LPCAT2: variants seen among roughly 807,000 people sequenced by gnomAD.
The protein encoded by LPCAT2 is 1-AGP acyltransferase 11.
Under a neutral mutation model 64.7 loss-of-function variants are expected in LPCAT2, and 58 were observed. That is an observed-to-expected ratio of 0.90 (90% confidence interval 0.73 to 1.12). The LOEUF is 1.12. Among genes scored for constraint, LPCAT2 ranks in the 50% most tolerant of loss-of-function variants. LPCAT2 has a pLI of 0.00. For synonymous variants in LPCAT2, 252 were observed against 245.3 expected, an observed-to-expected ratio of 1.03 and a Z score of -0.26; for missense variants, 579 against 669.8, an observed-to-expected ratio of 0.86 and a Z score of 1.50.
chr16:55,527,635 T>G (rs1482986403), intron 2 of LPCAT2, among the ~76,000 whole-genome samples: 1 of 152,184 alleles, frequency 6.6e-6, no homozygotes, highest in Non-Finnish European at 1.5e-5. Context: ...CAATTGGATC[T>G]TACTTGTCTT....
intron 11 of LPCAT2, among the ~76,000 whole-genome samples, chr16:55,558,125 G>A (rs1963597852): frequency 6.6e-6 from 1 of 152,220 alleles, no homozygotes; most frequent in South Asian, 2.1e-4. Flanking sequence ...ATGTCCAGAT[G>A]AGTGAGAGCT....
At chr16:55,521,111 A>G (rs1963089588) in intron 1 of LPCAT2, among the ~76,000 whole-genome samples, 1 of 151,824 alleles carries the variant, frequency 6.6e-6, no homozygotes, top group Non-Finnish European at 1.5e-5. Flanking sequence ...ACCAAGACTG[A>G]TAAGAAAACA....
intron 8 of LPCAT2, chr16:55,538,303 G>A (rs1186672106): frequency 1.3e-5 from 2 of 152,178 alleles, no homozygotes; most frequent in African/African-American, 4.8e-5. Context: ...GTACCCTCAG[G>A]TAGTCTCCGA....
intron 1 of LPCAT2, among the ~76,000 whole-genome samples, chr16:55,511,121 T>A (rs1300746801): frequency 6.6e-6 from 1 of 152,180 alleles, no homozygotes; most frequent in African/African-American, 2.4e-5. Flanking sequence ...GGAATATTAA[T>A]AACTCAAAGG....
At chr16:55,523,751 G>A (rs1963130853) in intron 1 of LPCAT2, among the ~76,000 whole-genome samples, 1 of 151,848 alleles carries the variant, frequency 6.6e-6, no homozygotes, top group African/African-American at 2.4e-5. Flanking sequence ...CCTATCAGTG[G>A]TTGCTTAGGT....
At position 55,537,612 on chromosome 16, in the gene LPCAT2, T is replaced by G; in HGVS notation, c.832T>G (p.Phe278Val). ...TTGTATGCTTACTTTCTGCCAGCTC[T>G]TCACAAAGGTAGAAGTTGAGGTAAG... Reference protein sequence around the residue: ...QLCMLTFCQLFTKVEVEFMPV... With the variant: ...QLCMLTFCQLVTKVEVEFMPV... Residue 278 changes from phenylalanine to valine, a missense_variant, in exon 8 of 14, where the codon TTC becomes GTC. By Grantham distance (50) the Phe-to-Val change is conservative. Coordinates refer to ENST00000262134, the MANE Select transcript of LPCAT2 (RefSeq NM_017839.5). The G allele has an allele frequency of 6.2e-7, 1 of 1,613,374 alleles. No homozygotes were observed. Among genetic ancestry groups the G allele is most frequent in the South Asian group, 1.1e-5 (1 of 91,054 alleles).
intron 2 of LPCAT2, 199 bp downstream of exon 2, chr16:55,525,846 A>G (rs1443042842): frequency 3.6e-5 from 12 of 334,912 alleles, no homozygotes; most frequent in African/African-American, 1.7e-4. Flanking sequence ...TATTTCTCAT[A>G]TGAAATACGT....
chr16:55,535,905 C>G (rs927803212), intron 7 of LPCAT2, among the ~76,000 whole-genome samples: 2 of 151,886 alleles, frequency 1.3e-5, no homozygotes, highest in Non-Finnish European at 2.9e-5. Flanking sequence ...ATATAATAGA[C>G]GGGTTTAGTT....
chr16:55,525,808 G>A (rs1010109433), intron 2 of LPCAT2, 161 bp downstream of exon 2: 7 of 407,484 alleles, frequency 1.7e-5, no homozygotes, highest in African/African-American at 2.1e-5. Flanking sequence ...AGTTTTATCT[G>A]CCTACTCAAT....
intron 7 of LPCAT2, 25 bp from the exon 8 acceptor site, chr16:55,537,553 A>G (rs1332055176): frequency 6.3e-7 from 1 of 1,593,724 alleles, no homozygotes; most frequent in Admixed American, 1.7e-5. Flanking sequence ...CTGTATAAAG[A>G]TAGACTTTTC....
intron 4 of LPCAT2, among the ~76,000 whole-genome samples, chr16:55,531,661 A>G (rs552605142): frequency 1.3e-5 from 2 of 152,332 alleles, no homozygotes; most frequent in East Asian, 1.9e-4. Flanking sequence ...CATTAGTTTT[A>G]TCATTAAGAG....
intron 11 of LPCAT2, chr16:55,566,822 C>G (rs1963703437): frequency 2.5e-6 from 4 of 1,613,660 alleles, no homozygotes; most frequent in Non-Finnish European, 3.4e-6. Context: ...TTGGAGGCCT[C>G]TTTGGAGGAG....
chr16:55,528,808 CTT>C (rs1260029330), intron 3 of LPCAT2, among the ~76,000 whole-genome samples: 2 of 151,998 alleles, frequency 1.3e-5, no homozygotes, highest in Admixed American at 6.5e-5. Flanking sequence ...CTCTTTAAAA[CTT>C]TTTATCACTA....
chr16:55,581,640 A>G (rs1175207039), intron 13 of LPCAT2, among the ~76,000 whole-genome samples: 1 of 152,212 alleles, frequency 6.6e-6, no homozygotes, highest in African/African-American at 2.4e-5. Context: ...GGATTTTTTA[A>G]AAGTAAATGT....
chr16:55,544,107 T>C (rs1454616961), intron 8 of LPCAT2, among the ~76,000 whole-genome samples: 4 of 152,180 alleles, frequency 2.6e-5, no homozygotes, highest in African/African-American at 9.6e-5. Context: ...ATACACTCCT[T>C]ACCGCTGAAG....
At chr16:55,520,446 T>C (rs1963079140) in intron 1 of LPCAT2, among the ~76,000 whole-genome samples, 1 of 152,080 alleles carries the variant, frequency 6.6e-6, no homozygotes, top group African/African-American at 2.4e-5. Flanking sequence ...CACACCTTTC[T>C]TGGTAATTGA....
intron 11 of LPCAT2, among the ~76,000 whole-genome samples, chr16:55,554,563 A>G (rs1412865865): frequency 6.6e-6 from 1 of 152,208 alleles, no homozygotes; most frequent in African/African-American, 2.4e-5. Context: ...CCTTCTATCC[A>G]GACTATTCAA....
At chr16:55,565,650 G>C (rs865942021) in intron 11 of LPCAT2, among the ~76,000 whole-genome samples, 40 of 152,192 alleles carry the variant, frequency 2.6e-4, no homozygotes, top group African/African-American at 9.4e-4. Context: ...ATGCAGAGTA[G>C]TCAAATCATA....
intron 1 of LPCAT2, 147 bp downstream of exon 1, chr16:55,509,499 G>T: frequency 1.1e-6 from 1 of 879,340 alleles, no homozygotes; most frequent in Non-Finnish European, 1.5e-6. Flanking sequence ...GCGGGCGAGA[G>T]TCTGAGGAGG....
Sources: gnomAD v4.1 joint callset for allele counts (sites outside exome capture counted in the v4.1 genomes callset) on GRCh38, gnomAD v4.1.1 for gene constraint, MANE v1.5 for transcripts, NCBI Gene and HGNC (gene_info 2026-07-23, HGNC 2026-07-21) for gene names.